The following CCDC88C variants were observed in gnomAD, a reference collection of about 807,000 sequenced individuals.
The protein encoded by CCDC88C is protein Daple.
In CCDC88C, 131 loss-of-function variants were observed where a neutral mutation model predicts 198.8. The observed-to-expected ratio is 0.66, with a 90% CI of 0.57 to 0.76. The LOEUF is 0.76. Ranked by LOEUF, CCDC88C falls within the 30% of genes least tolerant of loss-of-function variation. The pLI, the probability that CCDC88C is intolerant of heterozygous loss-of-function variation, is 0.00. For synonymous variants in CCDC88C, 1,166 were observed against 1,114.7 expected (o/e 1.05, Z -0.92); for missense variants, 2,553 against 2,631.6 (o/e 0.97, Z 0.65).
At chr14:91,319,449 G>A (rs1318593662) in intron 13 of CCDC88C, among the ~76,000 whole-genome samples, 6 of 152,206 alleles carry the variant, frequency 3.9e-5, no homozygotes, top group East Asian at 1.9e-4. Flanking sequence ...ACCCAGGGGA[G>A]GGAGAAAGCA....
intron 11 of CCDC88C, 46 bp from the exon 12 acceptor site, chr14:91,324,969 G>C (rs1270871949): frequency 6.2e-7 from 1 of 1,609,450 alleles, no homozygotes; most frequent in African/African-American, 1.3e-5. Flanking sequence ...CACAGCTGGA[G>C]ATCCCCCTGG....
intron 22 of CCDC88C, among the ~76,000 whole-genome samples, 163 bp downstream of exon 22, chr14:91,297,142 C>T (rs565028236): frequency 3.3e-5 from 5 of 152,374 alleles, no homozygotes; most frequent in South Asian, 2.1e-4. Context: ...CAATGACCCC[C>T]GTCAGCACCT....
At chr14:91,317,724 A>G (rs7140776) in intron 13 of CCDC88C, among the ~76,000 whole-genome samples, 3,164 of 152,246 alleles carry the variant, frequency 0.021, 128 homozygotes, top group African/African-American at 0.072. Flanking sequence ...CGGCGCCCCC[A>G]CGACCAGAGA....
At chr14:91,409,481 G>A (rs1384013647) in intron 2 of CCDC88C, among the ~76,000 whole-genome samples, 5 of 138,308 alleles carry the variant, frequency 3.6e-5, no homozygotes, top group East Asian at 4.3e-4. Context: ...AGCCTAAAAC[G>A]GTACATTTCT....
At chr14:91,368,404 G>A (rs1894636454) in intron 3 of CCDC88C, among the ~76,000 whole-genome samples, 1 of 152,206 alleles carries the variant, frequency 6.6e-6, no homozygotes, top group Admixed American at 6.5e-5. Context: ...ATTGAATATA[G>A]ATTTTTAAAA....
intron 21 of CCDC88C, among the ~76,000 whole-genome samples, chr14:91,298,439 TGGGA>T (rs898663950): frequency 2.2e-4 from 33 of 151,006 alleles, no homozygotes; most frequent in African/African-American, 2.7e-4. Context: ...GAGGCTGGGC[TGGGA>T]GGATCACTTA....
In CCDC88C at chr14:91,285,543, A is replaced by C. The variant is rs945873476; in HGVS notation, c.4442-2026T>G. ...ATCCACGCTGGCTACTTTAAGCTTGAAATTGGGGGCAGGAGGAGGGGTCCG... is the reference window on the plus strand; with the variant it reads ...ATCCACGCTGGCTACTTTAAGCTTGCAATTGGGGGCAGGAGGAGGGGTCCG... On this transcript the variant is annotated intron_variant, in intron 25 of 29. Coordinates refer to ENST00000389857, the MANE Select transcript of CCDC88C (RefSeq NM_001080414.4). The C allele has an allele frequency of 2.3e-5, 20 of 858,564 alleles. No individual in the cohort carries two copies. In the African/African-American group the frequency reaches 2.5e-4, roughly 11 times the overall value. The allele number at this position is 858,564 out of a possible 1,614,324, so 53.2% of individuals were successfully genotyped here.
At position 91,322,703 on chromosome 14, in the gene CCDC88C, T is replaced by C. The variant is rs78157363; in HGVS notation, c.1343-1399A>G. The stretch of plus-strand genomic sequence containing the variant: ...AGCCATTTTAAAGTGTTTGGATCTG[T>C]GGCATTAGGTACAAGCACACTTTTC... On this transcript the variant is annotated intron_variant, in intron 12 of 29. Transcript: ENST00000389857. Among the ~76,000 whole-genome samples the C allele has an allele frequency of 8.2e-3, 1,251 of 152,314 alleles. 15 individuals are homozygous for C. The highest frequency in any genetic ancestry group is 0.028 in the African/African-American group (1,177 of 41,556).
At chr14:91,366,151 A>G (rs200624366) in intron 3 of CCDC88C, among the ~76,000 whole-genome samples, 4 of 101,278 alleles carry the variant, frequency 3.9e-5, no homozygotes, top group Admixed American at 2.0e-4. Context: ...CTACTTAAAA[A>G]ATACACACAC....
chr14:91,303,139 C>T (rs2094952802), intron 20 of CCDC88C, among the ~76,000 whole-genome samples: 1 of 152,150 alleles, frequency 6.6e-6, no homozygotes, highest in Non-Finnish European at 1.5e-5. Flanking sequence ...GTCCTCCGCG[C>T]AGCCTGACAG....
At chr14:91,416,886 G>A (rs779630640) in intron 1 of CCDC88C, 48 bp from the exon 2 acceptor site, 22 of 1,372,410 alleles carry the variant, frequency 1.6e-5, no homozygotes, top group Middle Eastern at 1.8e-4. Context: ...CACCCCGTGC[G>A]CACAAACGGT....
chr14:91,313,302 C>T lies in CCDC88C; in HGVS notation c.2514G>A (p.Glu838=). 6.2e-7 allele frequency: 1 copy of T among 1,613,934 alleles called. No individual in the cohort carries two copies. The highest frequency in any genetic ancestry group is 1.1e-5 in the South Asian group (1 of 91,090). The part of the protein sequence containing the change: ...AQLEKDKKLL[E]KEAKRLWQQV... ...GCTGCCACAGCCGCTTGGCCTCCTT[C>T]TCCAGCAGCTTCTTATCCTTCTCGA... Residue 838 remains glutamate (E), a synonymous_variant, in exon 15 of 30, where the codon GAG becomes GAA. Coordinates refer to ENST00000389857, the MANE Select transcript of CCDC88C (RefSeq NM_001080414.4). The surrounding 1 kb of genome is among the most constrained non-coding windows in gnomAD (Gnocchi z 5.2).
At chr14:91,392,607 C>T (rs535473381) in intron 3 of CCDC88C, among the ~76,000 whole-genome samples, 1 of 152,248 alleles carries the variant, frequency 6.6e-6, no homozygotes, top group East Asian at 1.9e-4. Context: ...TCCATACCAG[C>T]GATGCATAAA....
intron 23 of CCDC88C, among the ~76,000 whole-genome samples, chr14:91,292,547 G>A (rs1238554894): frequency 2.6e-5 from 4 of 152,134 alleles, no homozygotes; most frequent in African/African-American, 4.8e-5. Context: ...CCCTAGACAC[G>A]TAGGTGAAGC....
intron 29 of CCDC88C, among the ~76,000 whole-genome samples, chr14:91,275,480 CT>C (rs530413081): frequency 3.6e-3 from 508 of 143,040 alleles, no homozygotes; most frequent in Admixed American, 3.4e-3. Flanking sequence ...ACCAGCAGTT[CT>C]TTTTTTTTTT....
intron 15 of CCDC88C, among the ~76,000 whole-genome samples, chr14:91,312,278 C>A (rs1398490054): frequency 6.6e-6 from 1 of 152,040 alleles, no homozygotes; most frequent in African/African-American, 2.4e-5. Context: ...AATCCCAATA[C>A]TTAGGAGGCT....
rs1253529075 is a variant in CCDC88C, at chr14:91,345,186, A to AT, written c.341-1530dup. Among the ~76,000 whole-genome samples, 365 of 72,398 alleles carry AT rather than the reference A, an allele frequency of 5.0e-3. 5 individuals are homozygous for AT. The highest frequency in any genetic ancestry group is 0.014 in the African/African-American group (244 of 17,944). The allele number at this position is 72,398 out of a possible 152,430, so 47.5% of individuals were successfully genotyped here. ...TCAATTTATATATATATATATATAT[A>AT]TATATTTTTTTTTTTTTTTTTTTTG... On this transcript the variant is annotated intron_variant, in intron 4 of 29. Coordinates refer to ENST00000389857, the MANE Select transcript of CCDC88C (RefSeq NM_001080414.4).
intron 3 of CCDC88C, among the ~76,000 whole-genome samples, chr14:91,360,222 A>C (rs1416593633): frequency 3.3e-5 from 5 of 150,276 alleles, no homozygotes; most frequent in African/African-American, 7.4e-5. Flanking sequence ...TTTCGAGACC[A>C]AGCCTGGGCA....
rs540503854 is a variant in CCDC88C, at chr14:91,402,996, A to T, written c.270+5663T>A. Among the ~76,000 whole-genome samples the T allele has an allele frequency of 4.6e-5, 7 of 152,266 alleles. No homozygotes were observed. In the South Asian group the frequency reaches 1.5e-3, roughly 32 times the overall value. On this transcript the variant is annotated intron_variant, in intron 3 of 29. Coordinates refer to ENST00000389857, the MANE Select transcript of CCDC88C (RefSeq NM_001080414.4). ...CAGAAAGCTAAACTTCCTTGAGCTG[A>T]TCGTAAACTCTAAATCTCCTCTAAA...
Sources: gnomAD v4.1 joint callset for allele counts (sites outside exome capture counted in the v4.1 genomes callset) on GRCh38, gnomAD v4.1.1 for gene constraint, Gnocchi (gnomAD v3.1) non-coding constraint, MANE v1.5 for transcripts, NCBI Gene and HGNC (gene_info 2026-07-23, HGNC 2026-07-21) for gene names.